Variants in CLCN1 observed in about 807,000 individuals in gnomAD.
CLCN1 encodes the protein chloride channel protein 1.
Under a neutral mutation model 114.5 loss-of-function variants are expected in CLCN1, and 100 were observed. The observed-to-expected ratio is 0.87, with a 90% CI of 0.74 to 1.03. CLCN1 has a LOEUF of 1.03. Ranked by LOEUF, CLCN1 falls within the 50% of genes least tolerant of loss-of-function variation. The pLI is 0.00. For missense variants in CLCN1, 1,188 were observed against 1,250.0 expected (o/e 0.95, Z 0.75); for synonymous variants, 485 against 487.1 (o/e 1.00, Z 0.06).
Position 143,342,158 on chromosome 7 carries a change from C to T in CLCN1, c.1796+16C>T, listed in dbSNP as rs768328403. On this transcript the variant is annotated intron_variant, in intron 15 of 22. Transcript: ENST00000343257. The stretch of plus-strand genomic sequence containing the variant: ...ACCAGCTCAGGTCAGGGGCACTAGA[C>T]GGAATTAGTTCAGATCTGATGGGGA... 32 of 1,610,448 alleles carry T rather than the reference C, an allele frequency of 2.0e-5. No homozygotes were observed. Among genetic ancestry groups the T allele is most frequent in the East Asian group, 1.1e-4 (5 of 44,874 alleles).
chr7:143,339,653 A>G lies in CLCN1; in HGVS notation c.1582+32A>G. 1 of 1,260,474 alleles carries G rather than the reference A, an allele frequency of 7.9e-7. No homozygotes were observed. The highest frequency in any genetic ancestry group is 1.2e-6 in the Non-Finnish European group (1 of 857,244). The allele number at this position is 1,260,474 out of a possible 1,614,324, so 78.1% of individuals were successfully genotyped here. On this transcript the variant is annotated intron_variant, in intron 14 of 22. Transcript: ENST00000343257. The surrounding 1 kb of genome is among the most constrained non-coding windows in gnomAD (Gnocchi z 4.1). The stretch of plus-strand genomic sequence containing the variant: ...AACATTCCCACTTCCCTGTAATCAA[A>G]CATTGAGTACTTCAGATCCCCACAC...
chr7:143,332,617 A>C, intron 11 of CLCN1, 107 bp from the exon 12 acceptor site: 1 of 1,531,552 alleles, frequency 6.5e-7, no homozygotes, highest in Non-Finnish European at 9.0e-7. Flanking sequence ...CCCTGAGAAA[A>C]GGGCAAAAGA....
At chr7:143,342,656 A>G (rs1044621019) in intron 16 of CLCN1, 151 bp downstream of exon 16, 8 of 791,408 alleles carry the variant, frequency 1.0e-5, no homozygotes, top group Admixed American at 2.1e-5. Flanking sequence ...TAACACAAGC[A>G]CACAAAGACA....
chr7:143,323,628 G>A (rs566434933), intron 6 of CLCN1: 3 of 655,230 alleles, frequency 4.6e-6, no homozygotes, highest in East Asian at 6.3e-5. Flanking sequence ...CCACATGGAG[G>A]TCTGGTCTGT....
At chr7:143,340,915 A>C (rs1333244732) in intron 14 of CLCN1, among the ~76,000 whole-genome samples, 1 of 152,234 alleles carries the variant, frequency 6.6e-6, no homozygotes. Context: ...AATAAGAAAT[A>C]TAATTAAAGC....
chr7:143,327,440 A>G (rs891364879), intron 7 of CLCN1, among the ~76,000 whole-genome samples: 1 of 152,150 alleles, frequency 6.6e-6, no homozygotes, highest in Non-Finnish European at 1.5e-5. Flanking sequence ...CTTGTGCACA[A>G]GGAAGTGATA....
At chr7:143,323,951 T>C (rs1345012803) in intron 6 of CLCN1, 1 of 440,116 alleles carries the variant, frequency 2.3e-6, no homozygotes, top group Non-Finnish European at 4.6e-6. Flanking sequence ...TAGAAGGGGG[T>C]TTTGGGTGGC....
chr7:143,348,861 C>G (rs1803321495), intron 20 of CLCN1, among the ~76,000 whole-genome samples: 1 of 152,150 alleles, frequency 6.6e-6, no homozygotes, highest in Admixed American at 6.5e-5. Flanking sequence ...GGAGATGTAC[C>G]TGGAATACAA....
At chr7:143,329,927 A>G (rs1017867417) in intron 7 of CLCN1, among the ~76,000 whole-genome samples, 12 of 151,774 alleles carry the variant, frequency 7.9e-5, no homozygotes, top group African/African-American at 2.9e-4. Flanking sequence ...TTACGCCCTC[A>G]CTCGCATTCC....
chr7:143,327,205 G>A (rs1426920820), intron 7 of CLCN1, among the ~76,000 whole-genome samples: 9 of 150,782 alleles, frequency 6.0e-5, no homozygotes, highest in South Asian at 4.2e-4. Flanking sequence ...GAGATCGCGC[G>A]TCACTGCACT....
chr7:143,345,989 G>T, intron 17 of CLCN1, 151 bp from the exon 18 acceptor site: 1 of 786,950 alleles, frequency 1.3e-6, no homozygotes, highest in Non-Finnish European at 2.2e-6. Flanking sequence ...TGCAGATGAT[G>T]GTATCCTCGA....
At chr7:143,347,588 T>C (rs569750495) in intron 20 of CLCN1, among the ~76,000 whole-genome samples, 11 of 134,406 alleles carry the variant, frequency 8.2e-5, no homozygotes, top group African/African-American at 3.1e-4. Flanking sequence ...ACCACTGCAC[T>C]CCAGCCTGGG....
rs190157453 is a variant in CLCN1, at chr7:143,339,394, C to T, written c.1471+72C>T. Reference sequence around the variant, plus strand: ...AGGATACAGGAAACATAAGGAAAGGCCCGGGATGCTGGGAGTTTATATTTG... The same window carrying T: ...AGGATACAGGAAACATAAGGAAAGGTCCGGGATGCTGGGAGTTTATATTTG... On this transcript the variant is annotated intron_variant, in intron 13 of 22. Coordinates refer to ENST00000343257, the MANE Select transcript of CLCN1 (RefSeq NM_000083.3). The surrounding 1 kb of genome is among the most constrained non-coding windows in gnomAD (Gnocchi z 4.1). 1.4e-6 allele frequency: 2 copies of T among 1,395,940 alleles called. No homozygotes were observed. Among genetic ancestry groups the T allele is most frequent in the Non-Finnish European group, 2.0e-6 (2 of 981,190 alleles). The allele number at this position is 1,395,940 out of a possible 1,614,324, so 86.5% of individuals were successfully genotyped here.
rs754582984 is a variant in CLCN1 at position 143,321,448 on chromosome 7, CT to C, written c.518del (p.Leu173ProfsTer22). The C allele has an allele frequency of 6.2e-7, 1 of 1,614,212 alleles. No homozygotes were observed. The highest frequency in any genetic ancestry group is 8.5e-7 in the Non-Finnish European group (1 of 1,180,032). ...VWVTFPLVLILFSALFCHLIS... is the reference protein window; with the variant it reads ...VWVTFPLVLIXFSALFCHLIS... Reference sequence around the variant, plus strand: ...GGTCACCTTCCCACTAGTCCTCATCCTCTTCAGCGCCCTCTTCTGCCACCTC... The same window carrying C: ...GGTCACCTTCCCACTAGTCCTCATCCCTTCAGCGCCCTCTTCTGCCACCTC... On this transcript the variant is annotated frameshift_variant, in exon 4 of 23. Coordinates refer to ENST00000343257, the MANE Select transcript of CLCN1 (RefSeq NM_000083.3). LOFTEE classifies it high-confidence loss of function. This position sits in a 1 kb window ranked among gnomAD's most constrained non-coding sequence, Gnocchi z 4.2.
chr7:143,323,451 G>A, intron 6 of CLCN1, 65 bp downstream of exon 6: 2 of 1,122,072 alleles, frequency 1.8e-6, no homozygotes, highest in South Asian at 1.2e-5. Flanking sequence ...GTGTGTCCAG[G>A]GTGTTGGGAG....
intron 20 of CLCN1, among the ~76,000 whole-genome samples, chr7:143,348,307 C>A (rs1237513848): frequency 6.6e-6 from 1 of 151,998 alleles, no homozygotes; most frequent in East Asian, 1.9e-4. Flanking sequence ...GCCATAATTG[C>A]AGTTAAGGAG....
At position 143,350,139 on chromosome 7, in the gene CLCN1, G is replaced by T. The variant is rs1803354186; in HGVS notation, c.2404-233G>T. Among the ~76,000 whole-genome samples, 2 of 152,014 alleles carry T rather than the reference G, an allele frequency of 1.3e-5. No individual in the cohort carries two copies. Among genetic ancestry groups the T allele is most frequent in the African/African-American group, 4.8e-5 (2 of 41,338 alleles). ...GTTGGAGCCTAGAAGAGGGAGGGGTGTTCTGGGTACCTGGGGGTTGCAGGG... is the reference window on the plus strand; with the variant it reads ...GTTGGAGCCTAGAAGAGGGAGGGGTTTTCTGGGTACCTGGGGGTTGCAGGG... On this transcript the variant is annotated intron_variant, in intron 20 of 22. Coordinates refer to ENST00000343257, the MANE Select transcript of CLCN1 (RefSeq NM_000083.3). The surrounding 1 kb of genome is among the most constrained non-coding windows in gnomAD (Gnocchi z 5.1).
At position 143,319,797 on chromosome 7, in the gene CLCN1, G is replaced by T; in HGVS notation, c.223G>T (p.Asp75Tyr). 1 of 1,613,666 alleles carries T rather than the reference G, an allele frequency of 6.2e-7. No homozygotes were observed. The highest frequency in any genetic ancestry group is 1.7e-5 in the Admixed American group (1 of 60,012). Reference protein sequence around the residue: ...HKEQFSDREQDIGMPKKTGSS... With the variant: ...HKEQFSDREQYIGMPKKTGSS... Reference sequence around the variant, plus strand: ...AGAACAATTCTCAGACAGGGAGCAGGACATAGGGATGCCCAAGAAGACAGG... The same window carrying T: ...AGAACAATTCTCAGACAGGGAGCAGTACATAGGGATGCCCAAGAAGACAGG... Residue 75 changes from aspartate (D) to tyrosine (Y), a missense_variant, in exon 2 of 23, where the codon GAC becomes TAC. By Grantham distance (160) the Asp-to-Tyr change is radical. Coordinates refer to ENST00000343257, the MANE Select transcript of CLCN1 (RefSeq NM_000083.3).
rs59572880 is a variant in CLCN1, at chr7:143,320,553, T to TTCTCTCTCTC, written c.302-87_302-78dup. On this transcript the variant is annotated intron_variant, in intron 2 of 22. Coordinates refer to ENST00000343257, the MANE Select transcript of CLCN1 (RefSeq NM_000083.3). The stretch of plus-strand genomic sequence containing the variant: ...TAAAGTAGTGACTCGTTAGCTGCTT[T>TTCTCTCTCTC]TCTCTCTCTCTCTCTCTCTCTCTCT... The TTCTCTCTCTC allele has an allele frequency of 5.5e-3, 3,666 of 672,228 alleles. 11 individuals are homozygous for TTCTCTCTCTC. The highest frequency in any genetic ancestry group is 0.01 in the South Asian group (629 of 61,716). 41.6% of individuals were successfully genotyped at this position (672,228 alleles called of 1,614,324 possible). A position where few individuals can be genotyped will look rare whatever the true frequency, so the allele number is the denominator to read the frequency against.
Sources: allele counts gnomAD v4.1 joint callset (sites outside exome capture counted in the v4.1 genomes callset), GRCh38; gene constraint gnomAD v4.1.1; non-coding constraint Gnocchi (gnomAD v3.1); transcripts MANE v1.5; gene names NCBI Gene and HGNC (gene_info 2026-07-23, HGNC 2026-07-21).